The following PPP1R37 variants were observed in gnomAD, a reference collection of about 807,000 sequenced individuals.
PPP1R37 encodes the protein leucine rich repeat containing 68.
Under a neutral mutation model 61.0 loss-of-function variants are expected in PPP1R37, and 21 were observed. That is an observed-to-expected ratio of 0.34 (90% CI 0.24 to 0.50). The LOEUF (loss-of-function observed/expected upper bound fraction) is 0.50, where lower values mean the gene tolerates loss of function less well. Ranked by LOEUF, PPP1R37 falls within the 20% of genes least tolerant of loss-of-function variation. PPP1R37 has a pLI of 0.98. For missense variants in PPP1R37, 910 were observed against 952.7 expected (o/e 0.96, Z 0.59); for synonymous variants, 443 against 433.5 (o/e 1.02, Z -0.27).
At chr19:45,126,884 C>T (rs1333155334) in intron 1 of PPP1R37, among the ~76,000 whole-genome samples, 1 of 152,218 alleles carries the variant, frequency 6.6e-6, no homozygotes, top group Non-Finnish European at 1.5e-5. Flanking sequence ...AGCACATCAC[C>T]AGGAGCACGG....
At chr19:45,105,535 G>T (rs144950985) in intron 1 of PPP1R37, among the ~76,000 whole-genome samples, 44 of 152,278 alleles carry the variant, frequency 2.9e-4, no homozygotes, top group African/African-American at 1.0e-3. Context: ...GATCTGCCGT[G>T]TACCTTTGTG....
At chr19:45,144,754 C>T in intron 8 of PPP1R37, 100 bp from the exon 9 acceptor site, 1 of 1,047,188 alleles carries the variant, frequency 9.5e-7, no homozygotes, top group Non-Finnish European at 1.3e-6. Flanking sequence ...AAAAGGAGCG[C>T]CCGGGCCTGG....
chr19:45,097,557 A>G (rs572688564), intron 1 of PPP1R37, among the ~76,000 whole-genome samples: 5 of 151,832 alleles, frequency 3.3e-5, no homozygotes, highest in African/African-American at 1.2e-4. Flanking sequence ...CAGGCCCTGC[A>G]GGGGCCCAGG....
In PPP1R37 at chr19:45,093,360, CG is replaced by C; in HGVS notation, c.38del (p.Gly13AlafsTer59). 1 of 1,507,688 alleles carries C rather than the reference CG, an allele frequency of 6.6e-7. No individual in the cohort carries two copies. Among genetic ancestry groups the C allele is most frequent in the Non-Finnish European group, 8.8e-7 (1 of 1,131,366 alleles). 93.4% of individuals were successfully genotyped at this position (1,507,688 alleles called of 1,614,324 possible). Reference protein sequence around the residue: ...EIAPQEAPPVPGADGDIEEAP... With the variant: ...EIAPQEAPPVXGADGDIEEAP... The stretch of plus-strand genomic sequence containing the variant: ...GCGCCGCAGGAGGCGCCGCCCGTGC[CG>C]GGCGCGGACGGCGACATTGAAGAGG... On this transcript the variant is annotated frameshift_variant, in exon 1 of 13. Transcript: ENST00000221462. LOFTEE classifies it high-confidence loss of function.
rs189356775 is a variant in PPP1R37, at chr19:45,106,878, G to A, written c.202+13351G>A. Among the ~76,000 whole-genome samples, 147 of 137,988 alleles carry A rather than the reference G, an allele frequency of 1.1e-3. 1 individual carries two copies. The highest frequency in any genetic ancestry group is 3.7e-3 in the African/African-American group (135 of 36,132). The allele number at this position is 137,988 out of a possible 152,430, so 90.5% of individuals were successfully genotyped here. On this transcript the variant is annotated intron_variant, in intron 1 of 12. Coordinates refer to ENST00000221462, the MANE Select transcript of PPP1R37 (RefSeq NM_019121.2). The stretch of plus-strand genomic sequence containing the variant: ...GTCACCCAGGCTGGAGTGCAGTGGC[G>A]TGATCTCGGCTCACTGCACGCTCCG...
At chr19:45,107,784 C>T (rs1020824127) in intron 1 of PPP1R37, among the ~76,000 whole-genome samples, 3 of 152,078 alleles carry the variant, frequency 2.0e-5, no homozygotes, top group Admixed American at 6.6e-5. Flanking sequence ...TCACAGCCAC[C>T]GCTAGATAAA....
At chr19:45,140,474 T>C in intron 3 of PPP1R37, 32 bp from the exon 4 acceptor site, 2 of 1,504,296 alleles carry the variant, frequency 1.3e-6, no homozygotes, top group Non-Finnish European at 1.8e-6. Flanking sequence ...TGCACTGTCT[T>C]AGACATGCGC....
intron 4 of PPP1R37, 77 bp downstream of exon 4, chr19:45,140,683 T>C: frequency 1.8e-6 from 2 of 1,124,432 alleles, no homozygotes; most frequent in Non-Finnish European, 2.6e-6. Flanking sequence ...GAGAGGACAC[T>C]GCAGGAGGAG....
At chr19:45,133,006 C>G (rs1406464762) in intron 1 of PPP1R37, among the ~76,000 whole-genome samples, 1 of 152,230 alleles carries the variant, frequency 6.6e-6, no homozygotes, top group East Asian at 1.9e-4. Context: ...GCACGGGTCA[C>G]ATTGCTTTGC....
chr19:45,099,523 T>C (rs10405859), intron 1 of PPP1R37, among the ~76,000 whole-genome samples: 72,601 of 152,112 alleles, frequency 0.48, 19,118 homozygotes, highest in Non-Finnish European at 0.59. Flanking sequence ...TGTTGGAGCA[T>C]GATCAGGTTA....
rs569471378 is a variant in PPP1R37 at position 45,137,618 on chromosome 19, G to A, written c.203-896G>A. Among the ~76,000 whole-genome samples, 6 of 152,276 alleles carry A rather than the reference G, an allele frequency of 3.9e-5. No individual in the cohort carries two copies. In the East Asian group the frequency reaches 7.7e-4, roughly 20 times the overall value. On this transcript the variant is annotated intron_variant, in intron 1 of 12. Coordinates refer to ENST00000221462, the MANE Select transcript of PPP1R37 (RefSeq NM_019121.2). ...CTTCTGTGTCCTGCGTCAAGGGGCC[G>A]GGCCCTGAATAGCGTACGGCGATGT... is the stretch of plus-strand genomic sequence containing the variant.
chr19:45,124,904 A>C (rs1555741816), intron 1 of PPP1R37, among the ~76,000 whole-genome samples: 1 of 151,870 alleles, frequency 6.6e-6, no homozygotes, highest in Non-Finnish European at 1.5e-5. Context: ...CCAGGAGTGC[A>C]AGGCTGCAGT....
intron 1 of PPP1R37, among the ~76,000 whole-genome samples, chr19:45,116,909 G>A (rs1968274853): frequency 7.4e-6 from 1 of 135,994 alleles, no homozygotes; most frequent in African/African-American, 2.7e-5. Context: ...CAGAGGAGGT[G>A]ACTTTTTTTT....
chr19:45,128,820 A>G, intron 1 of PPP1R37: 2 of 617,996 alleles, frequency 3.2e-6, no homozygotes, highest in Non-Finnish European at 6.0e-6. Flanking sequence ...CCCCAGCATC[A>G]AAAGGAATGA....
chr19:45,134,387 C>G (rs538033251), intron 1 of PPP1R37, among the ~76,000 whole-genome samples: 82 of 152,302 alleles, frequency 5.4e-4, no homozygotes, highest in African/African-American at 1.9e-3. Flanking sequence ...ATTGGAAGTG[C>G]TGGGGATGGG....
intron 1 of PPP1R37, among the ~76,000 whole-genome samples, chr19:45,135,690 C>T (rs946452459): frequency 5.3e-5 from 8 of 151,906 alleles, no homozygotes; most frequent in Admixed American, 2.0e-4. Context: ...CTGGATGAAG[C>T]GCCTGGCACG....
At position 45,145,317 on chromosome 19, in the gene PPP1R37, C is replaced by G. The variant is rs778913516; in HGVS notation, c.1297-36C>G. 2.0e-6 allele frequency: 3 copies of G among 1,522,606 alleles called. No homozygotes were observed. In the African/African-American group the frequency reaches 4.1e-5, roughly 21 times the overall value. The allele number at this position is 1,522,606 out of a possible 1,614,324, so 94.3% of individuals were successfully genotyped here. On this transcript the variant is annotated intron_variant, in intron 10 of 12. Transcript: ENST00000221462. Reference sequence around the variant, plus strand: ...CGGGCGGAAGGCCGGGTGGTGGGGCCGGCCTGAGAGCCCTAGCCAGGCGCT... The same window carrying G: ...CGGGCGGAAGGCCGGGTGGTGGGGCGGGCCTGAGAGCCCTAGCCAGGCGCT...
chr19:45,130,620 A>G lies in PPP1R37; in HGVS notation c.203-7894A>G, dbSNP rs1349990429. On this transcript the variant is annotated intron_variant, in intron 1 of 12. Transcript: ENST00000221462. The surrounding 1 kb of genome is among the most constrained non-coding windows in gnomAD (Gnocchi z 4.4). ...CCCTGGCTCCTTTCTGTTCATTCCA[A>G]AATAACAAAATAACACCTGCATTGC... 6.6e-6 allele frequency among the ~76,000 whole-genome samples: 1 copy of G among 152,150 alleles called. No individual in the cohort carries two copies. Among genetic ancestry groups the G allele is most frequent in the Non-Finnish European group, 1.5e-5 (1 of 68,018 alleles).
At chr19:45,093,815 T>G (rs1423642149) in intron 1 of PPP1R37, among the ~76,000 whole-genome samples, 1 of 152,066 alleles carries the variant, frequency 6.6e-6, no homozygotes, top group Non-Finnish European at 1.5e-5. Flanking sequence ...TTTTGTCAGA[T>G]GTAGAGTGTG....
Sources: gnomAD v4.1 joint callset for allele counts (sites outside exome capture counted in the v4.1 genomes callset) on GRCh38, gnomAD v4.1.1 for gene constraint, Gnocchi (gnomAD v3.1) non-coding constraint, MANE v1.5 for transcripts, NCBI Gene and HGNC (gene_info 2026-07-23, HGNC 2026-07-21) for gene names.